Variants in ENDOV observed in about 807,000 individuals in gnomAD.
ENDOV encodes hEndoV.
In ENDOV, 37 loss-of-function variants were observed where a neutral mutation model predicts 39.4. That is an observed-to-expected ratio of 0.94 (90% CI 0.72 to 1.23). The LOEUF (loss-of-function observed/expected upper bound fraction) is 1.23, where lower values mean the gene tolerates loss of function less well. Among genes scored for constraint, ENDOV ranks in the 50% most tolerant of loss-of-function variants. The pLI is 0.00. For synonymous variants in ENDOV, 186 were observed against 163.4 expected, an observed-to-expected ratio of 1.14 and a Z score of -1.05; for missense variants, 441 against 375.7, an observed-to-expected ratio of 1.17 and a Z score of -1.44.
intron 8 of ENDOV, among the ~76,000 whole-genome samples, chr17:80,428,993 C>G (rs985258805): frequency 6.6e-6 from 1 of 152,362 alleles, no homozygotes; most frequent in East Asian, 1.9e-4. Context: ...AGGACGTGGG[C>G]TCTGCAGAAA....
chr17:80,435,997 C>T (rs2083571613), intron 9 of ENDOV, 136 bp from the exon 10 acceptor site: 3 of 946,860 alleles, frequency 3.2e-6, no homozygotes, highest in Non-Finnish European at 1.6e-6. Context: ...TCAAGCTTTC[C>T]TCCCACCTCG....
intron 9 of ENDOV, chr17:80,430,080 C>T (rs1300607456): frequency 6.5e-7 from 1 of 1,535,554 alleles, no homozygotes; most frequent in Non-Finnish European, 8.7e-7. Flanking sequence ...GACCGCACCA[C>T]CCCAGGGGGA....
chr17:80,424,137 G>T, intron 5 of ENDOV: 2 of 399,092 alleles, frequency 5.0e-6, no homozygotes, highest in Non-Finnish European at 8.8e-6. Context: ...GGCACTGGGA[G>T]TGAGACACTC....
At chr17:80,422,382 G>A (rs955682810) in intron 4 of ENDOV, 137 bp downstream of exon 4, 13 of 1,054,596 alleles carry the variant, frequency 1.2e-5, no homozygotes, top group East Asian at 2.6e-5. Context: ...CTTTCTCGGC[G>A]CAACGGGGAC....
intron 9 of ENDOV, among the ~76,000 whole-genome samples, chr17:80,431,486 C>CT (rs1350139971): frequency 6.6e-6 from 1 of 152,234 alleles, no homozygotes; most frequent in African/African-American, 2.4e-5. Context: ...CTGCGGGCAC[C>CT]TTGTGCCTAA....
intron 4 of ENDOV, 142 bp downstream of exon 4, chr17:80,422,387 G>T: frequency 9.8e-7 from 1 of 1,018,088 alleles, no homozygotes; most frequent in Admixed American, 2.0e-5. Flanking sequence ...TCGGCGCAAC[G>T]GGGACGCGCA....
At chr17:80,429,626 G>A (rs1413045502) in intron 8 of ENDOV, 147 bp from the exon 9 acceptor site, 2 of 713,862 alleles carry the variant, frequency 2.8e-6, no homozygotes, top group East Asian at 2.9e-5. Context: ...TGTCTGAGCA[G>A]CGTGCTCTGC....
At chr17:80,429,741 T>C in intron 8 of ENDOV, 32 bp from the exon 9 acceptor site, 1 of 1,579,300 alleles carries the variant, frequency 6.3e-7, no homozygotes, top group Non-Finnish European at 8.6e-7. Context: ...CGCTAGCATC[T>C]GATGCTGTCC....
At chr17:80,422,307 C>T (rs2082149475) in intron 4 of ENDOV, 62 bp downstream of exon 4, 4 of 1,582,874 alleles carry the variant, frequency 2.5e-6, no homozygotes, top group African/African-American at 2.7e-5. Flanking sequence ...GAGAGGGCAC[C>T]TCTGTCGTCC....
intron 1 of ENDOV, 32 bp downstream of exon 1, chr17:80,415,282 G>C: frequency 1.2e-6 from 2 of 1,611,470 alleles, no homozygotes; most frequent in Non-Finnish European, 8.5e-7. Flanking sequence ...CAGGAGGCGG[G>C]GGCCGAGGCC....
At chr17:80,426,961 G>T (rs41300764) in intron 7 of ENDOV, among the ~76,000 whole-genome samples, 2,185 of 152,356 alleles carry the variant, frequency 0.014, 55 homozygotes, top group African/African-American at 0.049. Context: ...TTGCCCTGCA[G>T]CCTGCCCTGG....
At chr17:80,421,421 C>T (rs1430882189) in intron 2 of ENDOV, among the ~76,000 whole-genome samples, 1 of 147,968 alleles carries the variant, frequency 6.8e-6, no homozygotes, top group Non-Finnish European at 1.5e-5. Flanking sequence ...CTATACACAT[C>T]AGGTCTGGGA....
chr17:80,424,940 GCGACACTCCGTCT>G, intron 5 of ENDOV, 79 bp from the exon 6 acceptor site: 1 of 1,089,284 alleles, frequency 9.2e-7, no homozygotes, highest in Non-Finnish European at 1.4e-6. Flanking sequence ...GGGCAACAGT[GCGACACTCCGTCT>G]CAAAAAATAG....
intron 9 of ENDOV, chr17:80,430,481 C>A (rs2083265510): frequency 5.7e-6 from 5 of 880,370 alleles, no homozygotes; most frequent in Non-Finnish European, 8.0e-6. Flanking sequence ...CCACACTGAA[C>A]CACCTCTGCC....
intron 7 of ENDOV, chr17:80,427,645 T>C (rs1381921129): frequency 1.7e-6 from 2 of 1,208,564 alleles, no homozygotes; most frequent in East Asian, 6.2e-5. Flanking sequence ...ATTTTCTTCC[T>C]GAGCTCACTC....
chr17:80,429,861 C>T, intron 9 of ENDOV, 30 bp downstream of exon 9: 1 of 1,612,690 alleles, frequency 6.2e-7, no homozygotes, highest in South Asian at 1.1e-5. Context: ...GGACCACAGC[C>T]CAGGCCCCAG....
chr17:80,425,091 C>T lies in ENDOV; in HGVS notation c.576C>T (p.Val192=). The change falls in exon 6 of 10, where the codon GTC becomes GTT. Residue 192 remains valine, a synonymous_variant. Transcript: ENST00000518137. The part of the protein sequence containing the change: ...SFPLLGDSGT[V]LGMALRSHDR... The stretch of plus-strand genomic sequence containing the variant: ...CTCTGCTGGGAGACTCTGGGACTGT[C>T]CTGGGAATGGTGAGTAGCTAGGGCC... 1.2e-6 allele frequency: 2 copies of T among 1,609,382 alleles called. No individual in the cohort carries two copies. The highest frequency in any genetic ancestry group is 1.7e-6 in the Non-Finnish European group (2 of 1,177,846).
rs887229989 is a variant in ENDOV, at chr17:80,435,740, G to A, written c.839-393G>A. 4.0e-5 allele frequency among the ~76,000 whole-genome samples: 6 copies of A among 151,888 alleles called. No individual in the cohort carries two copies. The South Asian group carries it at 6.3e-4, about 16-fold the overall frequency. ...CGCCATTCTCCTGCCTCAGCCTCCT[G>A]AGTAGCTGGGACTACAGGCGCCCGC... is the stretch of plus-strand genomic sequence containing the variant. On this transcript the variant is annotated intron_variant, in intron 9 of 9. Coordinates refer to ENST00000518137, the MANE Select transcript of ENDOV (RefSeq NM_173627.5).
chr17:80,427,027 T>C (rs1405912975), intron 7 of ENDOV, among the ~76,000 whole-genome samples: 1 of 152,226 alleles, frequency 6.6e-6, no homozygotes, highest in Admixed American at 6.5e-5. Context: ...GCCGGGGCCT[T>C]CCGGCTGCTG....
Sources: gnomAD v4.1 joint callset for allele counts (sites outside exome capture counted in the v4.1 genomes callset) on GRCh38, gnomAD v4.1.1 for gene constraint, MANE v1.5 for transcripts, NCBI Gene and HGNC (gene_info 2026-07-23, HGNC 2026-07-21) for gene names.